ERC2: variants seen among roughly 807,000 people sequenced by gnomAD.
ERC2 encodes the protein ERC protein 2.
ERC2 carries 42 observed loss-of-function variants against 114.8 expected under a neutral mutation model. The ratio of observed to expected loss-of-function variants is 0.37; its 90% CI spans 0.29 to 0.47. ERC2 has a LOEUF of 0.47. ERC2 is among the 20% of genes least tolerant of loss of function. ERC2 has a pLI of 0.99. For synonymous variants in ERC2, 454 were observed against 425.5 expected, an observed-to-expected ratio of 1.07 and a Z score of -0.82; for missense variants, 939 against 1,150.7, an observed-to-expected ratio of 0.82 and a Z score of 2.66.
chr3:56,355,998 A>G (rs1034053160), intron 2 of ERC2, among the ~76,000 whole-genome samples: 6 of 152,184 alleles, frequency 3.9e-5, no homozygotes, highest in African/African-American at 1.4e-4. Flanking sequence ...AAGCCCGGTG[A>G]ATCAGACGGC....
intron 3 of ERC2, among the ~76,000 whole-genome samples, chr3:56,230,867 C>A (rs911606602): frequency 6.6e-6 from 1 of 152,202 alleles, no homozygotes; most frequent in African/African-American, 2.4e-5. Flanking sequence ...ACACACATTA[C>A]CTCTTATACA....
chr3:55,670,028 T>C (rs542632408), intron 17 of ERC2, among the ~76,000 whole-genome samples: 22 of 152,254 alleles, frequency 1.4e-4, no homozygotes, highest in African/African-American at 5.1e-4. Context: ...ATTTATGGAG[T>C]GCCTTACTAT....
intron 5 of ERC2, among the ~76,000 whole-genome samples, chr3:56,144,290 T>C (rs1305506428): frequency 1.3e-5 from 2 of 152,162 alleles, no homozygotes; most frequent in African/African-American, 2.4e-5. Flanking sequence ...AACAAGAATA[T>C]AGTATAAATA....
rs563689760 is a variant in ERC2, at chr3:56,213,133, G to A, written c.1075-39613C>T. On this transcript the variant is annotated intron_variant, in intron 3 of 17. Transcript: ENST00000288221. ...TTACTGCATTTCCAACTGAGGTACC[G>A]GGTTCATCTCACTGGGGATCTTCGG... 1.6e-4 allele frequency among the ~76,000 whole-genome samples: 24 copies of A among 152,280 alleles called. 1 individual carries two copies. Among genetic ancestry groups the A allele is most frequent in the East Asian group, 9.7e-4 (5 of 5,170 alleles).
intron 2 of ERC2, among the ~76,000 whole-genome samples, chr3:56,312,240 G>A (rs1226683699): frequency 1.3e-5 from 2 of 152,062 alleles, no homozygotes; most frequent in East Asian, 3.9e-4. Flanking sequence ...ATTCTGTCCT[G>A]CTACTTATTG....
chr3:56,358,741 T>C (rs2058837099), intron 2 of ERC2, among the ~76,000 whole-genome samples: 1 of 152,234 alleles, frequency 6.6e-6, no homozygotes, highest in Admixed American at 6.5e-5. Flanking sequence ...CAAGCCTTGG[T>C]ATCCTCATCT....
chr3:55,595,756 C>T (rs2058096827), intron 17 of ERC2, among the ~76,000 whole-genome samples: 1 of 152,192 alleles, frequency 6.6e-6, no homozygotes, highest in Non-Finnish European at 1.5e-5. Flanking sequence ...AAGGGAAGGG[C>T]AACTAAAGAA....
intron 14 of ERC2, among the ~76,000 whole-genome samples, chr3:55,861,421 C>T (rs2062022769): frequency 6.6e-6 from 1 of 152,148 alleles, no homozygotes; most frequent in Non-Finnish European, 1.5e-5. Flanking sequence ...CCCTAGACAA[C>T]CCCAAAGCAA....
At chr3:55,514,610 G>A (rs2052356832) in intron 17 of ERC2, among the ~76,000 whole-genome samples, 1 of 152,212 alleles carries the variant, frequency 6.6e-6, no homozygotes, top group Admixed American at 6.5e-5. Flanking sequence ...CAGGGGCAAG[G>A]ACCTGAGAGC....
chr3:56,074,065 G>A (rs2076862599), intron 7 of ERC2, among the ~76,000 whole-genome samples: 1 of 152,008 alleles, frequency 6.6e-6, no homozygotes, highest in African/African-American at 2.4e-5. Flanking sequence ...CTAAAAAGAG[G>A]GGTTCTTATA....
chr3:55,900,708 G>A (rs2064087431), intron 13 of ERC2, among the ~76,000 whole-genome samples: 1 of 152,126 alleles, frequency 6.6e-6, no homozygotes, highest in African/African-American at 2.4e-5. Context: ...TAAGCACACA[G>A]AGTCCAAAGC....
At chr3:56,230,799 T>C (rs569113434) in intron 3 of ERC2, among the ~76,000 whole-genome samples, 3 of 152,326 alleles carry the variant, frequency 2.0e-5, no homozygotes, top group South Asian at 4.1e-4. Context: ...TGTCAAAAAA[T>C]GAAAACAGTA....
chr3:55,967,510 T>C (rs1053889178), intron 12 of ERC2, among the ~76,000 whole-genome samples: 1 of 152,212 alleles, frequency 6.6e-6, no homozygotes, highest in Admixed American at 6.5e-5. Context: ...TTGTACCTTA[T>C]AAAATCAGAA....
At chr3:56,452,051 C>T (rs1398034528) in intron 1 of ERC2, among the ~76,000 whole-genome samples, 1 of 152,184 alleles carries the variant, frequency 6.6e-6, no homozygotes, top group Non-Finnish European at 1.5e-5. Context: ...CATAGTTATG[C>T]ATATTAAAGA....
intron 2 of ERC2, among the ~76,000 whole-genome samples, chr3:56,401,750 A>C (rs1416610303): frequency 6.6e-6 from 1 of 152,222 alleles, no homozygotes; most frequent in Admixed American, 6.5e-5. Context: ...TTTCAAGGGC[A>C]ACCTAGTGGT....
intron 16 of ERC2, among the ~76,000 whole-genome samples, chr3:55,692,419 C>G (rs1576164406): frequency 6.6e-6 from 1 of 152,296 alleles, no homozygotes; most frequent in East Asian, 1.9e-4. Context: ...ACACATGGGC[C>G]TGGAGCTGTC....
At chr3:55,543,526 G>A in intron 17 of ERC2, among the ~76,000 whole-genome samples, 1 of 152,184 alleles carries the variant, frequency 6.6e-6, no homozygotes, top group East Asian at 1.9e-4. Flanking sequence ...TTAGCGGTTG[G>A]CCTCCCTCCA....
At chr3:56,106,367 TC>T (rs1174433684) in intron 6 of ERC2, among the ~76,000 whole-genome samples, 3 of 152,168 alleles carry the variant, frequency 2.0e-5, no homozygotes. Context: ...GTATTAGAGC[TC>T]CCTTCGTGGA....
chr3:55,980,151 T>C lies in ERC2; in HGVS notation c.2267+5826A>G, dbSNP rs368314899. On this transcript the variant is annotated intron_variant, in intron 12 of 17. Coordinates refer to ENST00000288221, the MANE Select transcript of ERC2 (RefSeq NM_015576.3). The stretch of plus-strand genomic sequence containing the variant: ...TTTTGTCTATCCCCAATAAAATAGT[T>C]GTACCCAAAGTAAAATCAGCTGATT... Among the ~76,000 whole-genome samples the C allele has an allele frequency of 3.3e-5, 5 of 151,780 alleles. No individual in the cohort carries two copies. The East Asian group carries it at 5.8e-4, about 18-fold the overall frequency.
Sources: allele counts gnomAD v4.1 joint callset (sites outside exome capture counted in the v4.1 genomes callset), GRCh38; gene constraint gnomAD v4.1.1; transcripts MANE v1.5; gene names NCBI Gene and HGNC (gene_info 2026-07-23, HGNC 2026-07-21).